The following PCYT1A variants were observed in gnomAD, a reference collection of about 807,000 sequenced individuals.
The protein encoded by PCYT1A is phosphate cytidylyltransferase 1A, choline, also known as choline-phosphate cytidylyltransferase A.
Under a neutral mutation model 43.7 loss-of-function variants are expected in PCYT1A, and 25 were observed. The ratio of observed to expected loss-of-function variants is 0.57; its 90% CI spans 0.42 to 0.80. The LOEUF is 0.80. PCYT1A is among the 30% of genes least tolerant of loss of function. PCYT1A has a pLI of 0.00. For missense variants in PCYT1A, 421 were observed against 474.2 expected, an observed-to-expected ratio of 0.89 and a Z score of 1.04; for synonymous variants, 172 against 170.7, an observed-to-expected ratio of 1.01 and a Z score of -0.06.
chr3:196,278,370 A>G (rs1231290960), intron 1 of PCYT1A, among the ~76,000 whole-genome samples: 1 of 152,190 alleles, frequency 6.6e-6, no homozygotes, highest in Non-Finnish European at 1.5e-5. Flanking sequence ...ATGGCTCTGG[A>G]AAAGGAGGTG....
chr3:196,245,527 T>G (rs1399893121), intron 5 of PCYT1A, among the ~76,000 whole-genome samples: 1 of 152,198 alleles, frequency 6.6e-6, no homozygotes, highest in Non-Finnish European at 1.5e-5. Flanking sequence ...CGTGCTAAAC[T>G]TCACTTACTC....
At chr3:196,283,415 C>T (rs946319566) in intron 1 of PCYT1A, 6 of 151,998 alleles carry the variant, frequency 3.9e-5, no homozygotes, top group African/African-American at 1.2e-4. Flanking sequence ...ACCTGGTTTA[C>T]GAATGGTAAA....
At chr3:196,254,348 T>C (rs1207717192) in intron 3 of PCYT1A, among the ~76,000 whole-genome samples, 1 of 151,818 alleles carries the variant, frequency 6.6e-6, no homozygotes, top group Non-Finnish European at 1.5e-5. Context: ...TTTTTAATTT[T>C]TATTTATGTA....
intron 1 of PCYT1A, among the ~76,000 whole-genome samples, chr3:196,272,852 C>T (rs1458818313): frequency 6.6e-6 from 1 of 152,230 alleles, no homozygotes; most frequent in Non-Finnish European, 1.5e-5. Context: ...GGTGTCACTT[C>T]GCTAGCCAGA....
Position 196,247,581 on chromosome 3 carries a change from C to G in PCYT1A, c.335-63G>C. The G allele has an allele frequency of 6.8e-7, 1 of 1,474,082 alleles. No individual in the cohort carries two copies. Among genetic ancestry groups the G allele is most frequent in the Non-Finnish European group, 9.5e-7 (1 of 1,053,672 alleles). 91.3% of individuals were successfully genotyped at this position (1,474,082 alleles called of 1,614,324 possible). A position where few individuals can be genotyped will look rare whatever the true frequency, so the allele number is the denominator to read the frequency against. On this transcript the variant is annotated intron_variant, in intron 4 of 8. Coordinates refer to ENST00000431016, the MANE Select transcript of PCYT1A (RefSeq NM_001312673.2). This position sits in a 1 kb window ranked among gnomAD's most constrained non-coding sequence, Gnocchi z 4.8. ...CTTTGCTTAGCACCTCCTCAGCCAC[C>G]GACCTCTCCCATCTTCTCCCACTGC... is the stretch of plus-strand genomic sequence containing the variant.
intron 2 of PCYT1A, among the ~76,000 whole-genome samples, chr3:196,259,882 A>G (rs987293501): frequency 1.5e-5 from 2 of 137,362 alleles, no homozygotes; most frequent in African/African-American, 2.7e-5. Context: ...TTAGTTTAAG[A>G]TATACTTAAT....
intron 5 of PCYT1A, among the ~76,000 whole-genome samples, chr3:196,245,432 G>A (rs1464697072): frequency 1.3e-5 from 2 of 152,226 alleles, no homozygotes; most frequent in East Asian, 1.9e-4. Flanking sequence ...GAGCCACAGC[G>A]CCTGGCCATT....
At chr3:196,262,817 GAC>G (rs1383838618) in intron 2 of PCYT1A, among the ~76,000 whole-genome samples, 5 of 142,030 alleles carry the variant, frequency 3.5e-5, no homozygotes, top group African/African-American at 1.3e-4. Context: ...TTTTTTGTGA[GAC>G]AGTCTCACCC....
chr3:196,267,206 C>G (rs1465005210), intron 2 of PCYT1A: 1 of 354,898 alleles, frequency 2.8e-6, no homozygotes, highest in Non-Finnish European at 5.5e-6. Flanking sequence ...AAATTAAGTA[C>G]TTGTACATGT....
intron 3 of PCYT1A, among the ~76,000 whole-genome samples, chr3:196,250,015 T>G (rs1221758710): frequency 1.8e-5 from 2 of 112,592 alleles, no homozygotes; most frequent in Non-Finnish European, 3.9e-5. Context: ...ATGCCGAGGC[T>G]GAGGACCAGA....
chr3:196,278,758 T>C (rs1300625383), intron 1 of PCYT1A, among the ~76,000 whole-genome samples: 1 of 152,052 alleles, frequency 6.6e-6, no homozygotes, highest in Admixed American at 6.6e-5. Context: ...GGCGGATGGA[T>C]TGCTTGAGCC....
In PCYT1A at chr3:196,234,465, C is replaced by T. The variant is rs1724109710; in HGVS notation, c.*4223G>A. On this transcript the variant is annotated 3_prime_UTR_variant, in exon 9 of 9. Coordinates refer to ENST00000431016, the MANE Select transcript of PCYT1A (RefSeq NM_001312673.2). ...GACAGGAAAATTACAGACTGAACCC[C>T]ACTTGAGGAAGACTTCCCCACGGAC... The T allele has an allele frequency of 6.6e-6, 1 of 152,194 alleles. No homozygotes were observed. The highest frequency in any genetic ancestry group is 2.4e-5 in the African/African-American group (1 of 41,440). The allele number at this position is 152,194 out of a possible 1,614,324, so 9.4% of individuals were successfully genotyped here.
intron 3 of PCYT1A, among the ~76,000 whole-genome samples, chr3:196,253,704 A>G (rs2108769898): frequency 6.6e-6 from 1 of 152,168 alleles, no homozygotes; most frequent in South Asian, 2.1e-4. Flanking sequence ...GCCTACCAAC[A>G]TCTCAACTGG....
chr3:196,268,186 T>C lies in PCYT1A; in HGVS notation c.117+2229A>G, dbSNP rs1725333184. ...GAAATTTAAGTTTTCTCAGAGCTCA[T>C]TCCACTGAAAAGACTGGCTTCCTTT... On this transcript the variant is annotated intron_variant, in intron 2 of 8. Transcript: ENST00000431016. The surrounding 1 kb of genome is among the most constrained non-coding windows in gnomAD (Gnocchi z 4.4). Among the ~76,000 whole-genome samples the C allele has an allele frequency of 6.6e-6, 1 of 152,182 alleles. No individual in the cohort carries two copies. Among genetic ancestry groups the C allele is most frequent in the South Asian group, 2.1e-4 (1 of 4,832 alleles).
At position 196,242,238 on chromosome 3, in the gene PCYT1A, A is replaced by G. The variant is rs576924521; in HGVS notation, c.566-148T>C. The G allele has an allele frequency of 4.9e-6, 4 of 820,322 alleles. No homozygotes were observed. In the African/African-American group the frequency reaches 6.8e-5, roughly 14 times the overall value. 50.8% of individuals were successfully genotyped at this position (820,322 alleles called of 1,614,324 possible). On this transcript the variant is annotated intron_variant, in intron 6 of 8. Coordinates refer to ENST00000431016, the MANE Select transcript of PCYT1A (RefSeq NM_001312673.2). This position sits in a 1 kb window ranked among gnomAD's most constrained non-coding sequence, Gnocchi z 4.2. ...AAATGAAACTGAAAGATACTGATAT[A>G]CAGAAGGTAGACCGAATCAAAGGCC... is the stretch of plus-strand genomic sequence containing the variant.
rs1326835230 is a variant in PCYT1A at position 196,273,857 on chromosome 3, G to A, written c.-10-3316C>T. Among the ~76,000 whole-genome samples the A allele has an allele frequency of 1.3e-5, 2 of 152,212 alleles. No individual in the cohort carries two copies. The highest frequency in any genetic ancestry group is 4.8e-5 in the African/African-American group (2 of 41,458). Reference sequence around the variant, plus strand: ...TTCAGGCCATCCCTGGCTTGAAGGTGGGGCTTCACCAGGGACCCGCCCATT... The same window carrying A: ...TTCAGGCCATCCCTGGCTTGAAGGTAGGGCTTCACCAGGGACCCGCCCATT... On this transcript the variant is annotated intron_variant, in intron 1 of 8. Coordinates refer to ENST00000431016, the MANE Select transcript of PCYT1A (RefSeq NM_001312673.2). This position sits in a 1 kb window ranked among gnomAD's most constrained non-coding sequence, Gnocchi z 4.1.
At chr3:196,261,460 T>C (rs989977500) in intron 2 of PCYT1A, among the ~76,000 whole-genome samples, 5 of 151,810 alleles carry the variant, frequency 3.3e-5, no homozygotes, top group African/African-American at 1.2e-4. Flanking sequence ...TTCGAGACCA[T>C]CCTGACTAAC....
At chr3:196,271,586 T>C (rs1474637019) in intron 1 of PCYT1A, among the ~76,000 whole-genome samples, 1 of 146,914 alleles carries the variant, frequency 6.8e-6, no homozygotes, top group African/African-American at 2.5e-5. Context: ...ATTTTTTAAA[T>C]GTCCTTCTCC....
intron 3 of PCYT1A, among the ~76,000 whole-genome samples, chr3:196,254,756 G>A (rs1724904085): frequency 6.6e-6 from 1 of 152,062 alleles, no homozygotes; most frequent in Non-Finnish European, 1.5e-5. Context: ...TGCACCACTG[G>A]TGACTAAGTA....
Sources: allele counts gnomAD v4.1 joint callset (sites outside exome capture counted in the v4.1 genomes callset), GRCh38; gene constraint gnomAD v4.1.1; non-coding constraint Gnocchi (gnomAD v3.1); transcripts MANE v1.5; gene names NCBI Gene and HGNC (gene_info 2026-07-23, HGNC 2026-07-21).